The following PAK2 variants were observed in gnomAD, a reference collection of about 807,000 sequenced individuals.
The protein encoded by PAK2 is p21 (RAC1) activated kinase 2.
A neutral mutation model predicts 65.9 loss-of-function variants in PAK2; 21 were observed. The ratio of observed to expected loss-of-function variants is 0.32; its 90% confidence interval spans 0.23 to 0.46. The LOEUF (loss-of-function observed/expected upper bound fraction) is 0.46. Ranked by LOEUF, PAK2 falls within the 20% of genes least tolerant of loss-of-function variation. The pLI, the probability that PAK2 is intolerant of heterozygous loss-of-function variation, is 1.00. For synonymous variants in PAK2, 204 were observed against 219.7 expected (o/e 0.93, Z 0.63); for missense variants, 324 against 642.6 (o/e 0.50, Z 5.36).
At position 196,820,987 on chromosome 3, in the gene PAK2, G is replaced by A. The variant is rs1030535303; in HGVS notation, c.1350+420G>A. 3.9e-5 allele frequency among the ~76,000 whole-genome samples: 6 copies of A among 152,078 alleles called. No homozygotes were observed. The highest frequency in any genetic ancestry group is 7.2e-5 in the African/African-American group (3 of 41,500). On this transcript the variant is annotated intron_variant, in intron 13 of 14. Transcript: ENST00000327134. The surrounding 1 kb of genome is among the most constrained non-coding windows in gnomAD (Gnocchi z 4.6). ...CCTGAGTAGCTGGGACTATGGGTGC[G>A]TGCCACCACACCCAGCTGATTTTTG...
chr3:196,809,455 T>G (rs1195758380), intron 7 of PAK2, among the ~76,000 whole-genome samples: 1 of 148,164 alleles, frequency 6.7e-6, no homozygotes, highest in Non-Finnish European at 1.5e-5. Flanking sequence ...GCGTTTCTTC[T>G]GCCTCAGCCT....
chr3:196,749,808 A>C (rs143069063), intron 1 of PAK2, among the ~76,000 whole-genome samples: 1 of 146,966 alleles, frequency 6.8e-6, no homozygotes, highest in Non-Finnish European at 1.5e-5. Flanking sequence ...TCCAATAGGT[A>C]GTAGTGTTTC....
chr3:196,812,555 C>G lies in PAK2; in HGVS notation c.823-184C>G, dbSNP rs540420889. Among the ~76,000 whole-genome samples, 8 of 152,212 alleles carry G rather than the reference C, an allele frequency of 5.3e-5. No individual in the cohort carries two copies. In the East Asian group the frequency reaches 1.5e-3, roughly 29 times the overall value. On this transcript the variant is annotated intron_variant, in intron 9 of 14. Transcript: ENST00000327134. ...TGTATTAATCAACTTCAAGATAAAT[C>G]TAAAACTAGGTTCTAAACATTACAA...
At chr3:196,806,735 A>C in intron 6 of PAK2, 49 bp downstream of exon 6, 1 of 1,076,190 alleles carries the variant, frequency 9.3e-7, no homozygotes, top group Non-Finnish European at 1.4e-6. Flanking sequence ...GTGTGTTTTA[A>C]AAAATAGCAG....
chr3:196,783,335 G>T (rs1386282443), intron 2 of PAK2, among the ~76,000 whole-genome samples: 1 of 152,072 alleles, frequency 6.6e-6, no homozygotes, highest in Non-Finnish European at 1.5e-5. Flanking sequence ...CTAGTTCAGG[G>T]TTTCTCAACC....
chr3:196,750,805 T>C (rs1217507361), intron 1 of PAK2, among the ~76,000 whole-genome samples: 1 of 152,092 alleles, frequency 6.6e-6, no homozygotes, highest in Non-Finnish European at 1.5e-5. Context: ...TGCTTTCTGG[T>C]ATGTTTCTGT....
chr3:196,820,243 T>G lies in PAK2; in HGVS notation c.1154-128T>G. The G allele has an allele frequency of 2.3e-6, 1 of 441,202 alleles. No individual in the cohort carries two copies. The highest frequency in any genetic ancestry group is 3.9e-6 in the Non-Finnish European group (1 of 255,118). The allele number at this position is 441,202 out of a possible 1,614,324, so 27.3% of individuals were successfully genotyped here. A position where few individuals can be genotyped will look rare whatever the true frequency, so the allele number is the denominator to read the frequency against. On this transcript the variant is annotated intron_variant, in intron 12 of 14. Transcript: ENST00000327134. The surrounding 1 kb of genome is among the most constrained non-coding windows in gnomAD (Gnocchi z 4.6). ...ATTTTTAAACTCATTCTGGTTTACTTTATTAATGAAATCTTTAAAAACAAG... is the reference window on the plus strand; with the variant it reads ...ATTTTTAAACTCATTCTGGTTTACTGTATTAATGAAATCTTTAAAAACAAG...
rs1362607312 is a variant in PAK2, at chr3:196,791,183, A to C, written c.187+8350A>C. Among the ~76,000 whole-genome samples the C allele has an allele frequency of 6.6e-6, 1 of 152,190 alleles. No individual in the cohort carries two copies. Among genetic ancestry groups the C allele is most frequent in the African/African-American group, 2.4e-5 (1 of 41,460 alleles). ...AAAGACATTCTGTTGGTATAGCAAT[A>C]TCTTTCCAGCACATTGTTCAATTCC... On this transcript the variant is annotated intron_variant, in intron 2 of 14. Coordinates refer to ENST00000327134, the MANE Select transcript of PAK2 (RefSeq NM_002577.4). The surrounding 1 kb of genome is among the most constrained non-coding windows in gnomAD (Gnocchi z 4.0).
At chr3:196,760,739 T>G (rs922301632) in intron 1 of PAK2, among the ~76,000 whole-genome samples, 1 of 152,144 alleles carries the variant, frequency 6.6e-6, no homozygotes, top group Non-Finnish European at 1.5e-5. Context: ...TGAAACAAGG[T>G]GTGTCATTAG....
chr3:196,783,938 A>G (rs531173242), intron 2 of PAK2, among the ~76,000 whole-genome samples: 12 of 152,304 alleles, frequency 7.9e-5, no homozygotes, highest in Non-Finnish European at 1.6e-4. Context: ...CACTGTAAAT[A>G]TACTGCAGTT....
rs73074676 is a variant in PAK2, at chr3:196,790,916, A to C, written c.187+8083A>C. Among the ~76,000 whole-genome samples the C allele has an allele frequency of 4.9e-3, 741 of 152,366 alleles. 3 individuals carry two copies. Among genetic ancestry groups the C allele is most frequent in the African/African-American group, 0.017 (701 of 41,582 alleles). ...GACCACATGAGTAAACAAGCTCTTT[A>C]GATAAACTACTTTATATTCCTTTGT... On this transcript the variant is annotated intron_variant, in intron 2 of 14. Transcript: ENST00000327134.
intron 4 of PAK2, among the ~76,000 whole-genome samples, chr3:196,804,842 TATACACACACACATATAC>T (rs1715535580): frequency 6.9e-6 from 1 of 145,438 alleles, no homozygotes; most frequent in South Asian, 2.2e-4. Context: ...TATATATATA[TATACACACACACATATAC>T]ACACACACAC....
In PAK2 at chr3:196,820,517, A is replaced by T; in HGVS notation, c.1300A>T (p.Ile434Phe). 3.1e-6 allele frequency: 5 copies of T among 1,611,666 alleles called. No homozygotes were observed. The highest frequency in any genetic ancestry group is 4.2e-6 in the Non-Finnish European group (5 of 1,178,474). The change falls in exon 13 of 15, where the codon ATT becomes TTT. Residue 434 changes from isoleucine (I) to phenylalanine (F), a missense_variant. Ile to Phe is a conservative substitution (Grantham distance 21, BLOSUM62 0). This residue lies in a region of PAK2 where 36 missense variants were observed against 161.5 expected (regional missense o/e 0.22). Transcript: ENST00000327134. The surrounding 1 kb of genome is among the most constrained non-coding windows in gnomAD (Gnocchi z 4.6). ...VDIWSLGIMA[I>F]EMVEGEPPYL... ...CATATGGTCTCTGGGTATCATGGCT[A>T]TTGAGATGGTAGAAGGAGAGCCTCC... is the stretch of plus-strand genomic sequence containing the variant.
intron 1 of PAK2, among the ~76,000 whole-genome samples, chr3:196,754,318 T>TA (rs769217084): frequency 1.3e-5 from 2 of 152,212 alleles, no homozygotes; most frequent in Non-Finnish European, 2.9e-5. Context: ...ACTGCCTACT[T>TA]ACCATTGAAC....
At chr3:196,795,855 G>A (rs1471030931) in intron 2 of PAK2, among the ~76,000 whole-genome samples, 1 of 152,206 alleles carries the variant, frequency 6.6e-6, no homozygotes, top group Admixed American at 6.5e-5. Context: ...ACTGGATGTG[G>A]CACCTCCGTG....
At chr3:196,782,062 C>T (rs927663626) in intron 1 of PAK2, among the ~76,000 whole-genome samples, 9 of 152,000 alleles carry the variant, frequency 5.9e-5, no homozygotes, top group East Asian at 5.8e-4. Flanking sequence ...GCTGAGATCA[C>T]GCCACTGCAC....
intron 1 of PAK2, among the ~76,000 whole-genome samples, chr3:196,760,662 C>T (rs1384739361): frequency 6.6e-6 from 1 of 152,164 alleles, no homozygotes; most frequent in African/African-American, 2.4e-5. Context: ...TGAGTTTGAG[C>T]AGTTTGAATG....
chr3:196,822,405 AG>A (rs1451325401), intron 13 of PAK2, among the ~76,000 whole-genome samples: 5 of 152,182 alleles, frequency 3.3e-5, no homozygotes, highest in Non-Finnish European at 7.3e-5. Context: ...AGGTGCTTAG[AG>A]AGCTGGGCAC....
At chr3:196,798,585 C>G (rs1447053946) in intron 2 of PAK2, among the ~76,000 whole-genome samples, 2 of 152,058 alleles carry the variant, frequency 1.3e-5, no homozygotes, top group South Asian at 2.1e-4. Context: ...CTCAAGTGAT[C>G]CCTCTGCCTC....
Sources: gnomAD v4.1 joint callset for allele counts (sites outside exome capture counted in the v4.1 genomes callset) on GRCh38, gnomAD v4.1.1 for gene constraint, gnomAD v4.1.1 regional missense constraint, Gnocchi (gnomAD v3.1) non-coding constraint, MANE v1.5 for transcripts, NCBI Gene and HGNC (gene_info 2026-07-23, HGNC 2026-07-21) for gene names.